ZBTB20: variants seen among roughly 807,000 people sequenced by gnomAD.
The protein encoded by ZBTB20 is zinc finger and BTB domain containing 20, also known as zinc finger and BTB domain-containing protein 20.
A neutral mutation model predicts 56.9 loss-of-function variants in ZBTB20; 9 were observed. The ratio of observed to expected loss-of-function variants is 0.16; its 90% CI spans 0.10 to 0.28. The LOEUF (loss-of-function observed/expected upper bound fraction) is 0.28. ZBTB20 is among the 10% of genes least tolerant of loss of function. The pLI is 1.00. For synonymous variants in ZBTB20, 417 were observed against 420.7 expected (o/e 0.99, Z 0.11); for missense variants, 655 against 1,003.0 (o/e 0.65, Z 4.69).
At chr3:115,045,867 T>C (rs2081315839) in intron 2 of ZBTB20, among the ~76,000 whole-genome samples, 1 of 152,168 alleles carries the variant, frequency 6.6e-6, no homozygotes, top group Non-Finnish European at 1.5e-5. Flanking sequence ...AAGATTGTTC[T>C]CAAACTGTTG....
At chr3:114,959,306 T>C (rs2077358847) in intron 3 of ZBTB20, among the ~76,000 whole-genome samples, 3 of 152,224 alleles carry the variant, frequency 2.0e-5, no homozygotes, top group East Asian at 1.9e-4. Flanking sequence ...ATATCCTCCT[T>C]TACTTTTAAA....
intron 5 of ZBTB20, among the ~76,000 whole-genome samples, chr3:114,724,138 G>A (rs536651624): frequency 1.3e-4 from 20 of 152,046 alleles, no homozygotes; most frequent in Non-Finnish European, 1.6e-4. Context: ...CTCCCAAAGT[G>A]CTGGGATTAC....
At chr3:114,502,455 C>T (rs550851476) in intron 6 of ZBTB20, among the ~76,000 whole-genome samples, 4 of 150,554 alleles carry the variant, frequency 2.7e-5, no homozygotes, top group Middle Eastern at 6.8e-3. Context: ...GGTGACAAGA[C>T]GAGTTAAGAT....
chr3:114,847,196 T>C (rs948360179), intron 4 of ZBTB20, among the ~76,000 whole-genome samples: 4 of 152,052 alleles, frequency 2.6e-5, no homozygotes, highest in Admixed American at 2.6e-4. Flanking sequence ...ACAAGGGCTA[T>C]TTTTCACAAT....
At chr3:115,120,441 A>T (rs1320121292) in intron 1 of ZBTB20, among the ~76,000 whole-genome samples, 1 of 152,140 alleles carries the variant, frequency 6.6e-6, no homozygotes, top group Non-Finnish European at 1.5e-5. Flanking sequence ...CTCTAAGCAC[A>T]AGCAACTTAA....
chr3:115,106,373 A>G (rs935036312), intron 1 of ZBTB20, among the ~76,000 whole-genome samples: 1 of 151,212 alleles, frequency 6.6e-6, no homozygotes, highest in African/African-American at 2.4e-5. Context: ...AGCTGGGACT[A>G]CAGGTGCCCG....
chr3:114,915,201 A>G (rs974926330), intron 3 of ZBTB20, among the ~76,000 whole-genome samples: 1 of 151,818 alleles, frequency 6.6e-6, no homozygotes, highest in Admixed American at 6.6e-5. Context: ...ATCAGGTCCC[A>G]GGGTTTCCTT....
chr3:114,611,733 G>C (rs960821623), intron 6 of ZBTB20, among the ~76,000 whole-genome samples: 5 of 152,112 alleles, frequency 3.3e-5, no homozygotes, highest in East Asian at 1.9e-4. Context: ...TTTGAGTCTT[G>C]ATTGCTCTTT....
At chr3:114,792,586 G>A (rs1190585277) in intron 5 of ZBTB20, among the ~76,000 whole-genome samples, 4 of 152,116 alleles carry the variant, frequency 2.6e-5, no homozygotes, top group African/African-American at 4.8e-5. Flanking sequence ...TTATTCTACA[G>A]TAAGAGTTGG....
chr3:114,948,883 T>C (rs1335655086), intron 3 of ZBTB20, among the ~76,000 whole-genome samples: 1 of 145,958 alleles, frequency 6.9e-6, no homozygotes, highest in East Asian at 1.9e-4. Flanking sequence ...CAAAATACCA[T>C]CTCAATCAAA....
chr3:114,962,857 T>TTAGTTTAAGAAAGTGGAGGAAGCTA (rs1275171166), intron 3 of ZBTB20, among the ~76,000 whole-genome samples: 3 of 152,096 alleles, frequency 2.0e-5, no homozygotes, highest in Non-Finnish European at 4.4e-5. Context: ...AAACTCCATA[T>TTAGTTTAAGAAAGTGGAGGAAGCTA]TAGTTTAAGA....
intron 6 of ZBTB20, among the ~76,000 whole-genome samples, chr3:114,608,318 C>T (rs981935021): frequency 3.9e-5 from 6 of 152,124 alleles, no homozygotes; most frequent in African/African-American, 1.4e-4. Flanking sequence ...AACAATATTT[C>T]CCAAACTTCC....
intron 7 of ZBTB20, among the ~76,000 whole-genome samples, chr3:114,449,900 A>G (rs902732474): frequency 7.2e-5 from 11 of 152,196 alleles, no homozygotes; most frequent in Admixed American, 2.6e-4. Context: ...AAATCTGCAA[A>G]TTTTCTATTT....
intron 2 of ZBTB20, among the ~76,000 whole-genome samples, chr3:115,033,529 C>A (rs75768425): frequency 0.017 from 2,509 of 151,510 alleles, 70 homozygotes; most frequent in African/African-American, 0.057. Context: ...TATGTATATA[C>A]CCAAAAGAAA....
chr3:114,848,136 G>A (rs1431906190), intron 4 of ZBTB20, among the ~76,000 whole-genome samples: 4 of 152,060 alleles, frequency 2.6e-5, no homozygotes, highest in Non-Finnish European at 4.4e-5. Context: ...CCAGAGCCCC[G>A]CGTGTTTGCT....
chr3:114,503,801 T>C (rs1577142708), intron 6 of ZBTB20, among the ~76,000 whole-genome samples: 1 of 152,162 alleles, frequency 6.6e-6, no homozygotes. Context: ...TATTATATAG[T>C]GTCAATCTCC....
In ZBTB20 at chr3:115,071,285, T is replaced by C. The variant is rs1461525801; in HGVS notation, c.-573A>G. The C allele has an allele frequency of 6.6e-6, 1 of 152,116 alleles. No individual in the cohort carries two copies. The highest frequency in any genetic ancestry group is 2.4e-5 in the African/African-American group (1 of 41,418). 9.4% of individuals were successfully genotyped at this position (152,116 alleles called of 1,614,324 possible). On this transcript the variant is annotated 5_prime_UTR_variant, in exon 2 of 12. The change abolishes an upstream ATG in the 5' untranslated region. Transcript: ENST00000675478. ...AACCAGGAGAAGAATATCATAGGCA[T>C]GGGTGTGAGATCAACTGGAGATTCA...
intron 6 of ZBTB20, among the ~76,000 whole-genome samples, chr3:114,567,306 A>T (rs745529658): frequency 1.3e-5 from 2 of 152,234 alleles, no homozygotes; most frequent in Non-Finnish European, 2.9e-5. Flanking sequence ...AAAAAATTGC[A>T]GTGAAATCAA....
chr3:114,474,798 G>C (rs1360773426), intron 7 of ZBTB20, among the ~76,000 whole-genome samples: 1 of 152,124 alleles, frequency 6.6e-6, no homozygotes, highest in Non-Finnish European at 1.5e-5. Flanking sequence ...TCATAAATCA[G>C]TTTGCCATCT....
Sources: allele counts gnomAD v4.1 joint callset (sites outside exome capture counted in the v4.1 genomes callset), GRCh38; gene constraint gnomAD v4.1.1; transcripts MANE v1.5; gene names NCBI Gene and HGNC (gene_info 2026-07-23, HGNC 2026-07-21).